SNTG1: variants seen among roughly 807,000 people sequenced by gnomAD.
SNTG1 encodes the protein gamma-1-syntrophin.
In SNTG1, 39 loss-of-function variants were observed where a neutral mutation model predicts 74.7. The ratio of observed to expected loss-of-function variants is 0.52; its 90% CI spans 0.40 to 0.68. The LOEUF is 0.68. SNTG1 is among the 30% of genes least tolerant of loss of function. SNTG1 has a pLI of 0.00. For synonymous variants in SNTG1, 254 were observed against 217.1 expected (o/e 1.17, Z -1.49); for missense variants, 685 against 609.5 (o/e 1.12, Z -1.30).
rs539967052 is a variant in SNTG1 at position 50,125,974 on chromosome 8, G to A, written c.-102-46587G>A. ...AATTCTGGAATATTTCATAGAGAAA[G>A]CAACATAAGAAGAGCTGTCTCTGGT... On this transcript the variant is annotated intron_variant, in intron 1 of 18. Transcript: ENST00000642720. Among the ~76,000 whole-genome samples, 73 of 152,222 alleles carry A rather than the reference G, an allele frequency of 4.8e-4. 1 individual carries two copies. In the South Asian group the frequency reaches 0.014, roughly 29 times the overall value.
chr8:50,450,176 T>C (rs1206472167), intron 6 of SNTG1, among the ~76,000 whole-genome samples: 2 of 152,216 alleles, frequency 1.3e-5, no homozygotes, highest in Non-Finnish European at 2.9e-5. Flanking sequence ...AGTAAAACAA[T>C]GTAATGTTTA....
intron 2 of SNTG1, among the ~76,000 whole-genome samples, chr8:50,337,911 C>T (rs1246431823): frequency 4.6e-5 from 7 of 152,062 alleles, no homozygotes; most frequent in Admixed American, 6.6e-5. Context: ...CCAAGGCGGG[C>T]GGATCATGAG....
rs112939109 is a variant in SNTG1 at position 50,096,034 on chromosome 8, A to C, written c.-102-76527A>C. Reference sequence around the variant, plus strand: ...ACATTTTTAAGGTCAATAGAGCCCCAATCTAGTAAATGCTAAAACCTGGAA... The same window carrying C: ...ACATTTTTAAGGTCAATAGAGCCCCCATCTAGTAAATGCTAAAACCTGGAA... On this transcript the variant is annotated intron_variant, in intron 1 of 18. Transcript: ENST00000642720. 7.2e-5 allele frequency among the ~76,000 whole-genome samples: 11 copies of C among 152,278 alleles called. 1 individual carries two copies. The highest frequency in any genetic ancestry group is 2.4e-4 in the African/African-American group (10 of 41,556).
chr8:50,609,492 A>G (rs1197924133), intron 13 of SNTG1, among the ~76,000 whole-genome samples: 1 of 152,070 alleles, frequency 6.6e-6, no homozygotes, highest in Non-Finnish European at 1.5e-5. Flanking sequence ...CAGAAGTTTA[A>G]TATTCCTAGC....
At chr8:50,255,841 T>C (rs1180471632) in intron 2 of SNTG1, among the ~76,000 whole-genome samples, 1 of 152,096 alleles carries the variant, frequency 6.6e-6, no homozygotes, top group Non-Finnish European at 1.5e-5. Flanking sequence ...CATAAGAATT[T>C]GGGGGGTGGG....
Position 50,087,459 on chromosome 8 carries a change from A to G in SNTG1, c.-102-85102A>G, listed in dbSNP as rs373940978. 2.1e-4 allele frequency among the ~76,000 whole-genome samples: 32 copies of G among 152,278 alleles called. No homozygotes were observed. In the East Asian group the frequency reaches 6.2e-3, roughly 29 times the overall value. ...TTTCAATAATGTCAAGCCTCTTTAC[A>G]CAGTGTCAAAATCATGCTAAAATGT... On this transcript the variant is annotated intron_variant, in intron 1 of 18. Transcript: ENST00000642720.
chr8:50,768,006 G>A (rs1324082621), intron 18 of SNTG1, among the ~76,000 whole-genome samples: 2 of 152,070 alleles, frequency 1.3e-5, no homozygotes, highest in South Asian at 2.1e-4. Context: ...AGTCATGCTA[G>A]TGCATTTTGT....
In SNTG1 at chr8:50,012,555, C is replaced by G. The variant is rs1585889907; in HGVS notation, c.-103+100324C>G. Among the ~76,000 whole-genome samples, 3 of 152,064 alleles carry G rather than the reference C, an allele frequency of 2.0e-5. No individual in the cohort carries two copies. The South Asian group carries it at 6.2e-4, about 32-fold the overall frequency. ...TTTTAAATTCACTGGAGAGTTAGGCCTTGTTTTAAAATGTAGTTTTATTAT... is the reference window on the plus strand; with the variant it reads ...TTTTAAATTCACTGGAGAGTTAGGCGTTGTTTTAAAATGTAGTTTTATTAT... On this transcript the variant is annotated intron_variant, in intron 1 of 18. Coordinates refer to ENST00000642720, the MANE Select transcript of SNTG1 (RefSeq NM_018967.5).
chr8:50,068,529 C>T (rs776977883), intron 1 of SNTG1, among the ~76,000 whole-genome samples: 8 of 152,154 alleles, frequency 5.3e-5, no homozygotes, highest in Non-Finnish European at 1.2e-4. Flanking sequence ...GCCACACCCC[C>T]ACCCCTGCCA....
intron 1 of SNTG1, among the ~76,000 whole-genome samples, chr8:50,034,828 T>C (rs761586099): frequency 6.6e-6 from 1 of 152,198 alleles, no homozygotes. Flanking sequence ...GGCCACAGGT[T>C]TGAGAAGCTT....
At chr8:50,723,554 T>G (rs1056444113) in intron 17 of SNTG1, among the ~76,000 whole-genome samples, 3 of 152,196 alleles carry the variant, frequency 2.0e-5, no homozygotes, top group Non-Finnish European at 4.4e-5. Context: ...ATTACAGGCC[T>G]CCAATAACAT....
chr8:50,050,708 A>G (rs193241145), intron 1 of SNTG1, among the ~76,000 whole-genome samples: 1 of 152,090 alleles, frequency 6.6e-6, no homozygotes, highest in Admixed American at 6.6e-5. Flanking sequence ...TTACCTTGCT[A>G]TAAAAACCAG....
intron 1 of SNTG1, among the ~76,000 whole-genome samples, chr8:50,146,288 C>A (rs576863713): frequency 6.6e-6 from 1 of 151,916 alleles, no homozygotes; most frequent in Non-Finnish European, 1.5e-5. Flanking sequence ...GAGGCCGAGG[C>A]GGGTGGATCA....
chr8:50,209,404 G>A (rs999043038), intron 2 of SNTG1, among the ~76,000 whole-genome samples: 3 of 152,188 alleles, frequency 2.0e-5, no homozygotes, highest in African/African-American at 7.2e-5. Context: ...TGAGATCTGA[G>A]AATGGACAGA....
intron 10 of SNTG1, among the ~76,000 whole-genome samples, chr8:50,531,604 G>A (rs950505680): frequency 6.6e-6 from 1 of 152,154 alleles, no homozygotes; most frequent in Non-Finnish European, 1.5e-5. Context: ...GGTGTTGGCT[G>A]TGCCCATTCA....
At position 50,766,691 on chromosome 8, in the gene SNTG1, CAATT is replaced by C. The variant is rs2095614748; in HGVS notation, c.1395+14584_1395+14587del. On this transcript the variant is annotated intron_variant, in intron 18 of 18. Transcript: ENST00000642720. ...GCAAGAGAATATACCTATTTATTAA[CAATT>C]AATGCCAAAAATTGTTGAACTTGTT... Among the ~76,000 whole-genome samples, 11 of 151,950 alleles carry C rather than the reference CAATT, an allele frequency of 7.2e-5. No individual in the cohort carries two copies. The South Asian group carries it at 2.3e-3, about 32-fold the overall frequency.
At chr8:50,164,060 A>ATCTC in intron 1 of SNTG1, 1 of 133,472 alleles carries the variant, frequency 7.5e-6, no homozygotes, top group East Asian at 2.4e-4. Context: ...GTTCCCATTG[A>ATCTC]TCTCAGAGAC....
intron 4 of SNTG1, among the ~76,000 whole-genome samples, chr8:50,422,335 T>TATATC (rs148734090): frequency 0.9 from 136,220 of 151,882 alleles, 62,741 homozygotes; most frequent in Non-Finnish European, 1. Context: ...GACAAAAAGA[T>TATATC]ATATAGAAGG....
Position 50,702,782 on chromosome 8 carries a change from G to T in SNTG1, c.1039-1818G>T, listed in dbSNP as rs1264829285. Reference sequence around the variant, plus strand: ...ACAGCATAACGTACTGCACAGCGAGGTTATACAGTACAGCCTATTTCTCCT... The same window carrying T: ...ACAGCATAACGTACTGCACAGCGAGTTTATACAGTACAGCCTATTTCTCCT... On this transcript the variant is annotated intron_variant, in intron 15 of 18. Coordinates refer to ENST00000642720, the MANE Select transcript of SNTG1 (RefSeq NM_018967.5). 2.0e-5 allele frequency among the ~76,000 whole-genome samples: 3 copies of T among 152,154 alleles called. No individual in the cohort carries two copies. The East Asian group carries it at 5.8e-4, about 29-fold the overall frequency.
Sources: gnomAD v4.1 joint callset for allele counts (sites outside exome capture counted in the v4.1 genomes callset) on GRCh38, gnomAD v4.1.1 for gene constraint, MANE v1.5 for transcripts, NCBI Gene and HGNC (gene_info 2026-07-23, HGNC 2026-07-21) for gene names.